The following SUFU variants were observed in gnomAD, a reference collection of about 807,000 sequenced individuals.
SUFU encodes the protein SUFU negative regulator of hedgehog signaling.
Under a neutral mutation model 58.9 loss-of-function variants are expected in SUFU, and 7 were observed. The observed-to-expected ratio is 0.12, with a 90% CI of 0.07 to 0.22. The LOEUF (loss-of-function observed/expected upper bound fraction) is 0.22. SUFU is among the 10% of genes least tolerant of loss of function. The pLI, the probability that SUFU is intolerant of heterozygous loss-of-function variation, is 1.00. For synonymous variants in SUFU, 232 were observed against 254.8 expected, an observed-to-expected ratio of 0.91 and a Z score of 0.85; for missense variants, 451 against 641.3, an observed-to-expected ratio of 0.70 and a Z score of 3.20.
intron 3 of SUFU, among the ~76,000 whole-genome samples, chr10:102,590,125 T>TC (rs1195364993): frequency 1.4e-4 from 21 of 145,674 alleles, no homozygotes; most frequent in African/African-American, 5.0e-4. Context: ...TATAACCACC[T>TC]CCCCCCCGAC....
chr10:102,609,386 AT>A (rs2063598204), intron 8 of SUFU, among the ~76,000 whole-genome samples: 1 of 152,214 alleles, frequency 6.6e-6, no homozygotes, highest in Admixed American at 6.5e-5. Context: ...ACACAACTCA[AT>A]TTGGAAGAAT....
chr10:102,584,162 G>T (rs2063313376), intron 3 of SUFU, among the ~76,000 whole-genome samples: 1 of 152,172 alleles, frequency 6.6e-6, no homozygotes, highest in South Asian at 2.1e-4. Context: ...TACTGTGTTT[G>T]GGCAAGTTGC....
intron 8 of SUFU, among the ~76,000 whole-genome samples, chr10:102,607,859 C>T (rs1442753051): frequency 1.3e-5 from 2 of 151,264 alleles, no homozygotes; most frequent in Non-Finnish European, 2.9e-5. Flanking sequence ...TGCAGTGAGC[C>T]GAGATCTTGC....
intron 2 of SUFU, among the ~76,000 whole-genome samples, chr10:102,519,686 C>T (rs1222845577): frequency 6.6e-6 from 1 of 152,212 alleles, no homozygotes; most frequent in African/African-American, 2.4e-5. Flanking sequence ...TGCCCAGCAT[C>T]TCAGTGATCC....
Position 102,534,950 on chromosome 10 carries a change from C to T in SUFU, c.318-15020C>T, listed in dbSNP as rs1383116507. Among the ~76,000 whole-genome samples, 4 of 152,110 alleles carry T rather than the reference C, an allele frequency of 2.6e-5. No homozygotes were observed. In the East Asian group the frequency reaches 7.7e-4, roughly 29 times the overall value. ...TATGTGTGTGCACTTAGAGGGAGGCCACTGAAGGAAAAGGTCTGCAGGTCT... is the reference window on the plus strand; with the variant it reads ...TATGTGTGTGCACTTAGAGGGAGGCTACTGAAGGAAAAGGTCTGCAGGTCT... On this transcript the variant is annotated intron_variant, in intron 2 of 11. Coordinates refer to ENST00000369902, the MANE Select transcript of SUFU (RefSeq NM_016169.4).
At chr10:102,557,195 C>T (rs528166941) in intron 3 of SUFU, among the ~76,000 whole-genome samples, 2 of 150,236 alleles carry the variant, frequency 1.3e-5, no homozygotes, top group Non-Finnish European at 3.0e-5. Flanking sequence ...CATGCCACTG[C>T]ACTCAGCCTG....
chr10:102,549,839 C>T, intron 2 of SUFU, 131 bp from the exon 3 acceptor site: 2 of 1,215,222 alleles, frequency 1.6e-6, no homozygotes, highest in Non-Finnish European at 2.4e-6. Context: ...GGCTCACATC[C>T]TGGGATACTC....
At chr10:102,599,634 C>A in intron 8 of SUFU, 90 bp downstream of exon 8, 1 of 1,117,328 alleles carries the variant, frequency 8.9e-7, no homozygotes, top group Non-Finnish European at 1.3e-6. Flanking sequence ...GAGAACAATG[C>A]ACATAGCCCT....
chr10:102,537,277 C>T (rs1042987898), intron 2 of SUFU, among the ~76,000 whole-genome samples: 2 of 151,860 alleles, frequency 1.3e-5, no homozygotes, highest in African/African-American at 4.8e-5. Flanking sequence ...ACCACAGCTG[C>T]ACACCACCAT....
intron 3 of SUFU, among the ~76,000 whole-genome samples, chr10:102,590,375 C>G (rs1172710754): frequency 6.6e-6 from 1 of 151,922 alleles, no homozygotes; most frequent in Non-Finnish European, 1.5e-5. Context: ...CTTTGTTGGC[C>G]AGGCTAGTCT....
chr10:102,593,613 G>A, intron 4 of SUFU, 23 bp from the exon 5 acceptor site: 1 of 1,613,760 alleles, frequency 6.2e-7, no homozygotes, highest in Non-Finnish European at 8.5e-7. Context: ...AACACACAAT[G>A]GGCTTTCTAT....
intron 2 of SUFU, among the ~76,000 whole-genome samples, chr10:102,516,776 G>A (rs750391361): frequency 2.6e-4 from 39 of 151,916 alleles, no homozygotes; most frequent in Non-Finnish European, 4.6e-4. Context: ...TCGATCTCTT[G>A]ACCTTGTGCT....
At chr10:102,547,582 G>C (rs2062866879) in intron 2 of SUFU, among the ~76,000 whole-genome samples, 1 of 152,170 alleles carries the variant, frequency 6.6e-6, no homozygotes, top group Admixed American at 6.6e-5. Flanking sequence ...AGCACTTTGG[G>C]AGGCCAAGGC....
chr10:102,577,422 C>T (rs972329597), intron 3 of SUFU, among the ~76,000 whole-genome samples: 1 of 151,976 alleles, frequency 6.6e-6, no homozygotes, highest in African/African-American at 2.4e-5. Context: ...TCATGGGTCA[C>T]TGCAGCCTCC....
Position 102,536,965 on chromosome 10 carries a change from C to T in SUFU, c.318-13005C>T, listed in dbSNP as rs554872172. On this transcript the variant is annotated intron_variant, in intron 2 of 11. Transcript: ENST00000369902. ...AGCTGGGACTGCAGGCATGTGCCAC[C>T]AAACCCAGCTAATTTTTGTATTTTT... Among the ~76,000 whole-genome samples, 5 of 151,962 alleles carry T rather than the reference C, an allele frequency of 3.3e-5. No homozygotes were observed. The South Asian group carries it at 1.0e-3, about 32-fold the overall frequency.
intron 2 of SUFU, among the ~76,000 whole-genome samples, chr10:102,519,554 A>G (rs1246261043): frequency 1.3e-5 from 2 of 148,642 alleles, no homozygotes; most frequent in East Asian, 3.9e-4. Flanking sequence ...AGTCTTCTGC[A>G]ACCTTATCGT....
intron 3 of SUFU, among the ~76,000 whole-genome samples, chr10:102,588,372 G>A (rs1213351791): frequency 1.4e-5 from 2 of 145,270 alleles, no homozygotes; most frequent in Admixed American, 7.1e-5. Context: ...CAGCCTGGGC[G>A]ACAGAGCAAG....
Position 102,619,393 on chromosome 10 carries a change from C to T in SUFU, c.1296+1965C>T, listed in dbSNP as rs990024032. The T allele has an allele frequency of 2.1e-5, 29 of 1,383,540 alleles. No homozygotes were observed. In the East Asian group the frequency reaches 3.5e-4, roughly 17 times the overall value. 85.7% of individuals were successfully genotyped at this position (1,383,540 alleles called of 1,614,324 possible). On this transcript the variant is annotated intron_variant, in intron 10 of 11. Transcript: ENST00000369902. This position sits in a 1 kb window ranked among gnomAD's most constrained non-coding sequence, Gnocchi z 4.2. ...TCCCATGGGCTGTTGCCCAGGGAACCGGGGCGCGGTGGGAACGAGCTGCTG... is the reference window on the plus strand; with the variant it reads ...TCCCATGGGCTGTTGCCCAGGGAACTGGGGCGCGGTGGGAACGAGCTGCTG...
intron 3 of SUFU, among the ~76,000 whole-genome samples, chr10:102,563,597 G>A (rs1176035941): frequency 1.3e-5 from 2 of 151,970 alleles, no homozygotes; most frequent in East Asian, 1.9e-4. Flanking sequence ...GATTGAGTCC[G>A]GGAGGTTGAG....
Sources: allele counts gnomAD v4.1 joint callset (sites outside exome capture counted in the v4.1 genomes callset), GRCh38; gene constraint gnomAD v4.1.1; non-coding constraint Gnocchi (gnomAD v3.1); transcripts MANE v1.5; gene names NCBI Gene and HGNC (gene_info 2026-07-23, HGNC 2026-07-21).